Variants in PCDHGA10 observed in about 807,000 individuals in gnomAD.
The protein encoded by PCDHGA10 is protocadherin gamma-A10.
Under a neutral mutation model 59.5 loss-of-function variants are expected in PCDHGA10, and 42 were observed. The ratio of observed to expected loss-of-function variants is 0.71; its 90% CI spans 0.55 to 0.91. The LOEUF is 0.91. Ranked by LOEUF, PCDHGA10 falls within the 40% of genes least tolerant of loss-of-function variation. The probability of loss-of-function intolerance (pLI) is 0.00; values close to 1 mark genes in which losing one functional copy is unlikely to be tolerated. For missense variants in PCDHGA10, 1,111 were observed against 1,198.2 expected (o/e 0.93, Z 1.07); for synonymous variants, 511 against 517.2 (o/e 0.99, Z 0.16).
chr5:141,500,986 A>G (rs1223940696), intron 2 of PCDHGA10, among the ~76,000 whole-genome samples: 1 of 151,656 alleles, frequency 6.6e-6, no homozygotes, highest in East Asian at 1.9e-4. Flanking sequence ...CTCCTGCCTC[A>G]GCCTCCTGAG....
rs934206266 is a variant in PCDHGA10, at chr5:141,483,131, G to A, written c.2437-11676G>A. Among the ~76,000 whole-genome samples, 14 of 152,274 alleles carry A rather than the reference G, an allele frequency of 9.2e-5. No individual in the cohort carries two copies. The South Asian group carries it at 2.9e-3, about 32-fold the overall frequency. On this transcript the variant is annotated intron_variant, in intron 1 of 3. Transcript: ENST00000398610. ...AACAGACAGTCTTTGTAGGAGATGA[G>A]GTGAAGCAAGTAGGCAGGAGTTAGA...
chr5:141,473,616 G>A (rs1049605139), intron 1 of PCDHGA10, among the ~76,000 whole-genome samples: 5 of 152,118 alleles, frequency 3.3e-5, no homozygotes, highest in African/African-American at 1.2e-4. Flanking sequence ...GCAAAGGGAG[G>A]GAGGAAAAAG....
intron 2 of PCDHGA10, among the ~76,000 whole-genome samples, chr5:141,496,631 G>A (rs1434126210): frequency 6.6e-6 from 1 of 152,164 alleles, no homozygotes; most frequent in Admixed American, 6.5e-5. Context: ...CAAAAGGCTT[G>A]GGCTGCCCTT....
chr5:141,423,746 T>G, intron 1 of PCDHGA10: 2 of 384,794 alleles, frequency 5.2e-6, no homozygotes, highest in Non-Finnish European at 6.6e-6. Flanking sequence ...TTATGAAAAC[T>G]GTTTGGGGGG....
chr5:141,439,428 C>T (rs1191911600), intron 1 of PCDHGA10, among the ~76,000 whole-genome samples: 1 of 152,170 alleles, frequency 6.6e-6, no homozygotes, highest in Non-Finnish European at 1.5e-5. Flanking sequence ...TATAAATTCC[C>T]AGGAATATTT....
At position 141,511,146 on chromosome 5, in the gene PCDHGA10, G is replaced by T; in HGVS notation, c.2784G>T (p.Lys928Asn). 1 of 1,614,208 alleles carries T rather than the reference G, an allele frequency of 6.2e-7. No individual in the cohort carries two copies. Among genetic ancestry groups the T allele is most frequent in the Non-Finnish European group, 8.5e-7 (1 of 1,180,018 alleles). The change falls in exon 4 of 4, where the codon AAG becomes AAT. Residue 928 changes from lysine to asparagine, a missense_variant. Lys to Asn is a moderately conservative substitution (Grantham distance 94). Coordinates refer to ENST00000398610, the MANE Select transcript of PCDHGA10 (RefSeq NM_018913.3). Reference protein sequence around the residue: ...KAPAGGNGNKKKSGKKEKK With the variant: ...KAPAGGNGNKNKSGKKEKK The stretch of plus-strand genomic sequence containing the variant: ...CAGCAGGTGGCAATGGCAACAAGAA[G>T]AAGTCGGGCAAGAAGGAGAAGAAGT...
At chr5:141,428,185 G>A (rs775261215) in intron 1 of PCDHGA10, 1 of 1,446,348 alleles carries the variant, frequency 6.9e-7, no homozygotes, top group Admixed American at 1.8e-5. Context: ...GAGGACAGCC[G>A]CCGCTCTCTG....
At chr5:141,421,522 A>G in intron 1 of PCDHGA10, 1 of 1,614,068 alleles carries the variant, frequency 6.2e-7, no homozygotes, top group Non-Finnish European at 8.5e-7. Context: ...GCTCTGTGAG[A>G]CGGTGTCCTC....
intron 1 of PCDHGA10, among the ~76,000 whole-genome samples, chr5:141,457,289 G>A (rs907200077): frequency 2.0e-5 from 3 of 152,146 alleles, no homozygotes; most frequent in Non-Finnish European, 4.4e-5. Context: ...GAAGTTCCTT[G>A]GTTTTATTTT....
intron 1 of PCDHGA10, chr5:141,478,585 T>A (rs1474599564): frequency 1.3e-5 from 20 of 1,576,728 alleles, no homozygotes; most frequent in Non-Finnish European, 1.7e-5. Flanking sequence ...TGTTAGTGCT[T>A]TTTTATTCCT....
chr5:141,494,751 G>C (rs2099756509), intron 1 of PCDHGA10, 56 bp from the exon 2 acceptor site: 2 of 1,613,426 alleles, frequency 1.2e-6, no homozygotes, highest in African/African-American at 1.3e-5. Flanking sequence ...AGGGGCTCGG[G>C]TGACATTCTA....
At chr5:141,423,772 A>G (rs767998260) in intron 1 of PCDHGA10, 39 of 1,219,850 alleles carry the variant, frequency 3.2e-5, no homozygotes, top group East Asian at 1.6e-4. Context: ...GGGGCGGCAT[A>G]TATTTAGTTC....
intron 1 of PCDHGA10, among the ~76,000 whole-genome samples, chr5:141,438,039 C>T (rs1373700448): frequency 6.6e-6 from 1 of 152,024 alleles, no homozygotes; most frequent in Non-Finnish European, 1.5e-5. Flanking sequence ...CCATGCCCGA[C>T]CACTTTGAGT....
At chr5:141,447,437 G>A (rs1435222330) in intron 1 of PCDHGA10, among the ~76,000 whole-genome samples, 3 of 152,128 alleles carry the variant, frequency 2.0e-5, no homozygotes, top group Non-Finnish European at 2.9e-5. Context: ...CGCACCCGGA[G>A]GAAATTTTTA....
chr5:141,497,406 C>T lies in PCDHGA10; in HGVS notation c.2495+2541C>T, dbSNP rs892691245. 1.2e-4 allele frequency among the ~76,000 whole-genome samples: 19 copies of T among 152,174 alleles called. No individual in the cohort carries two copies. The East Asian group carries it at 1.5e-3, about 12-fold the overall frequency. ...AGCACCTTACCCCTGCCTCAACTCC[C>T]ATTCCATCAAATGAGAGGCTTAGTG... On this transcript the variant is annotated intron_variant, in intron 2 of 3. Transcript: ENST00000398610.
intron 1 of PCDHGA10, chr5:141,417,490 T>C (rs1296739869): frequency 4.7e-6 from 1 of 210,618 alleles, no homozygotes; most frequent in Non-Finnish European, 9.3e-6. Context: ...AAGGAATCAC[T>C]GAGGAAAAAG....
Position 141,476,241 on chromosome 5 carries a change from A to G in PCDHGA10, c.2437-18566A>G, listed in dbSNP as rs375405507. ...CACTATGAGATCCCGGAGGAAAGAG[A>G]GAAGGGTTTCGCTGTGGGCAACGTG... On this transcript the variant is annotated intron_variant, in intron 1 of 3. Transcript: ENST00000398610. The surrounding 1 kb of genome is among the most constrained non-coding windows in gnomAD (Gnocchi z 7.6). 3.7e-6 allele frequency: 6 copies of G among 1,613,626 alleles called. No homozygotes were observed. The highest frequency in any genetic ancestry group is 2.2e-5 in the East Asian group (1 of 44,834).
chr5:141,494,197 C>T (rs73794924), intron 1 of PCDHGA10, among the ~76,000 whole-genome samples: 1,654 of 152,242 alleles, frequency 0.011, 27 homozygotes, highest in African/African-American at 0.037. Flanking sequence ...CTTGGATGCC[C>T]CGCAAAGGCC....
intron 1 of PCDHGA10, among the ~76,000 whole-genome samples, chr5:141,438,833 T>C (rs989612425): frequency 6.6e-6 from 1 of 150,476 alleles, no homozygotes; most frequent in Non-Finnish European, 1.5e-5. Context: ...AGCTAATTTT[T>C]TAAAATATTT....
Sources: allele counts gnomAD v4.1 joint callset (sites outside exome capture counted in the v4.1 genomes callset), GRCh38; gene constraint gnomAD v4.1.1; non-coding constraint Gnocchi (gnomAD v3.1); transcripts MANE v1.5; gene names NCBI Gene and HGNC (gene_info 2026-07-23, HGNC 2026-07-21).